The following TBC1D1 variants were observed in gnomAD, a reference collection of about 807,000 sequenced individuals.
TBC1D1 encodes TBC1 domain family member 1.
Under a neutral mutation model 125.6 loss-of-function variants are expected in TBC1D1, and 89 were observed. The observed-to-expected ratio is 0.71, with a 90% CI of 0.60 to 0.85. The LOEUF (loss-of-function observed/expected upper bound fraction) is 0.85. Ranked by LOEUF, TBC1D1 falls within the 40% of genes least tolerant of loss-of-function variation. The probability of loss-of-function intolerance (pLI) is 0.00; values close to 1 mark genes in which losing one functional copy is unlikely to be tolerated. For missense variants in TBC1D1, 1,377 were observed against 1,469.2 expected, an observed-to-expected ratio of 0.94 and a Z score of 1.03; for synonymous variants, 565 against 564.1, an observed-to-expected ratio of 1.00 and a Z score of -0.02.
intron 15 of TBC1D1, chr4:38,112,168 A>T (rs1319426701): frequency 8.4e-6 from 6 of 713,672 alleles, no homozygotes; most frequent in Non-Finnish European, 1.0e-5. Flanking sequence ...GGTGGTGGTG[A>T]TTATTATTAT....
intron 2 of TBC1D1, among the ~76,000 whole-genome samples, chr4:37,916,902 C>G (rs946048961): frequency 6.6e-6 from 1 of 152,044 alleles, no homozygotes; most frequent in East Asian, 1.9e-4. Flanking sequence ...TCTTGAGTAG[C>G]TGGGATTAGA....
rs777583181 is a variant in TBC1D1 at position 38,133,138 on chromosome 4, G to A, written c.3187G>A (p.Val1063Ile). The change falls in exon 19 of 20, where the codon GTC becomes ATC. Residue 1063 changes from valine (V) to isoleucine (I), a missense_variant. By Grantham distance (29) the Val-to-Ile change is conservative. This residue lies in a region of TBC1D1 where 543 missense variants were observed against 613.5 expected (regional missense o/e 0.89). Coordinates refer to ENST00000261439, the MANE Select transcript of TBC1D1 (RefSeq NM_015173.4). ...ACAAGCTTATGAAGTTGAGTACCAC[G>A]TCCTTCAAGAAGAACTTATCGATTC... is the stretch of plus-strand genomic sequence containing the variant. 3 of 1,614,138 alleles carry A rather than the reference G, an allele frequency of 1.9e-6. No individual in the cohort carries two copies. Among genetic ancestry groups the A allele is most frequent in the Non-Finnish European group, 2.5e-6 (3 of 1,179,994 alleles).
intron 15 of TBC1D1, among the ~76,000 whole-genome samples, chr4:38,107,300 T>TA (rs1761479371): frequency 2.0e-5 from 3 of 152,174 alleles, no homozygotes; most frequent in Admixed American, 2.0e-4. Context: ...CTCCACCTGT[T>TA]ACCTCCCCCA....
chr4:38,085,683 A>C (rs1356907837), intron 12 of TBC1D1, among the ~76,000 whole-genome samples: 2 of 152,200 alleles, frequency 1.3e-5, no homozygotes, highest in East Asian at 3.8e-4. Context: ...TCGGGGAGAG[A>C]AGCCGGATCC....
At chr4:38,073,435 A>G (rs182463338) in intron 12 of TBC1D1, among the ~76,000 whole-genome samples, 39 of 152,300 alleles carry the variant, frequency 2.6e-4, no homozygotes, top group South Asian at 1.2e-3. Flanking sequence ...GCGTGAGGTA[A>G]TATCTCATTG....
intron 15 of TBC1D1, 52 bp downstream of exon 17, chr4:38,103,209 A>G (rs1760682650): frequency 6.4e-7 from 1 of 1,563,418 alleles, no homozygotes; most frequent in Non-Finnish European, 8.7e-7. Flanking sequence ...ACTCACATGA[A>G]AAATCTGAAG....
chr4:38,008,231 G>A (rs549255127), intron 2 of TBC1D1, among the ~76,000 whole-genome samples: 3 of 152,294 alleles, frequency 2.0e-5, no homozygotes, highest in South Asian at 2.1e-4. Flanking sequence ...GAAAACCTAC[G>A]AAATAATTTC....
chr4:38,006,176 A>T (rs1740122024), intron 2 of TBC1D1, among the ~76,000 whole-genome samples: 1 of 152,194 alleles, frequency 6.6e-6, no homozygotes, highest in African/African-American at 2.4e-5. Flanking sequence ...AGAAAAAAAT[A>T]GAATCAGTTT....
chr4:38,103,223 C>T, intron 15 of TBC1D1, 66 bp downstream of exon 17: 5 of 1,529,354 alleles, frequency 3.3e-6, no homozygotes, highest in Non-Finnish European at 4.4e-6. Flanking sequence ...TCTGAAGAGA[C>T]TGTCCAAGTT....
intron 18 of TBC1D1, among the ~76,000 whole-genome samples, chr4:38,131,559 G>A (rs936008998): frequency 3.9e-5 from 6 of 152,288 alleles, no homozygotes; most frequent in Middle Eastern, 3.4e-3. Context: ...GAGTTGCCTC[G>A]TTTAATTCTC....
At chr4:37,953,866 T>A (rs1485095012) in intron 2 of TBC1D1, among the ~76,000 whole-genome samples, 2 of 152,164 alleles carry the variant, frequency 1.3e-5, no homozygotes, top group African/African-American at 4.8e-5. Context: ...GTGGCTTGTA[T>A]CGTCATTTCT....
Position 38,114,802 on chromosome 4 carries a change from G to A in TBC1D1, c.2558-908G>A, listed in dbSNP as rs1299018012. Among the ~76,000 whole-genome samples, 4 of 151,032 alleles carry A rather than the reference G, an allele frequency of 2.6e-5. No individual in the cohort carries two copies. The East Asian group carries it at 7.7e-4, about 29-fold the overall frequency. On this transcript the variant is annotated intron_variant, in intron 15 of 19. Transcript: ENST00000261439. The stretch of plus-strand genomic sequence containing the variant: ...TTTTTTTTTCTTTTAAACTCTTTTT[G>A]GAAGGTAACTTTTGTGAAAAGAAAA...
At position 38,045,838 on chromosome 4, in the gene TBC1D1, C is replaced by A. The variant is rs755926276; in HGVS notation, c.1564C>A (p.Gln522Lys). The change falls in exon 10 of 20, where the codon CAG (glutamine) becomes AAG (lysine). Residue 522 changes from glutamine to lysine, a missense_variant. This residue lies in a region of TBC1D1 where 822 missense variants were observed against 824.6 expected (regional missense o/e 1.00). Transcript: ENST00000261439. ...GTAGGGTAATAAAGCCAGAGGCCTG[C>A]AGGAACACTCCATCAGTGTGGATCT... The A allele has an allele frequency of 1.2e-6, 2 of 1,613,998 alleles. No homozygotes were observed. Among genetic ancestry groups the A allele is most frequent in the South Asian group, 2.2e-5 (2 of 91,084 alleles).
At chr4:38,071,021 C>T (rs2152510822) in intron 12 of TBC1D1, among the ~76,000 whole-genome samples, 1 of 152,252 alleles carries the variant, frequency 6.6e-6, no homozygotes, top group African/African-American at 2.4e-5. Context: ...GGATTTTTCC[C>T]CTTTTCTTCT....
chr4:37,906,804 A>G (rs954746175), intron 2 of TBC1D1, among the ~76,000 whole-genome samples: 1 of 152,222 alleles, frequency 6.6e-6, no homozygotes, highest in African/African-American at 2.4e-5. Context: ...ACTGCTCCAC[A>G]TGGAAAAGCT....
chr4:38,132,680 TGA>T (rs1765787437), intron 18 of TBC1D1: 1 of 167,970 alleles, frequency 6.0e-6, no homozygotes, highest in Non-Finnish European at 1.5e-5. Flanking sequence ...AAACAGGCTA[TGA>T]TTCTTTTGTT....
intron 2 of TBC1D1, chr4:38,006,738 C>T (rs1740343859): frequency 5.1e-6 from 2 of 393,616 alleles, no homozygotes; most frequent in South Asian, 4.2e-5. Context: ...CTTGGCCTCC[C>T]AAAGTGCTGG....
chr4:37,902,338 A>G lies in TBC1D1; in HGVS notation c.243A>G (p.Arg81=), dbSNP rs1560456158. The change falls in exon 2 of 20, where the codon AGA becomes AGG. Residue 81 remains arginine (R), a synonymous_variant. Coordinates refer to ENST00000261439, the MANE Select transcript of TBC1D1 (RefSeq NM_015173.4). ...TGAGATGTGAACCTGAGCCAGGGAG[A>G]AGTCAACAGTGGGATCCCCTGATCT... The G allele has an allele frequency of 1.2e-6, 2 of 1,614,024 alleles. No homozygotes were observed. Among genetic ancestry groups the G allele is most frequent in the South Asian group, 1.1e-5 (1 of 91,080 alleles).
At chr4:38,114,971 C>T (rs1292687066) in intron 15 of TBC1D1, among the ~76,000 whole-genome samples, 2 of 152,054 alleles carry the variant, frequency 1.3e-5, no homozygotes, top group African/African-American at 4.8e-5. Context: ...AAGGCGAGGC[C>T]TTTTAGCTGC....
Sources: allele counts gnomAD v4.1 joint callset (sites outside exome capture counted in the v4.1 genomes callset), GRCh38; gene constraint gnomAD v4.1.1; regional missense constraint gnomAD v4.1.1; transcripts MANE v1.5; gene names NCBI Gene and HGNC (gene_info 2026-07-23, HGNC 2026-07-21).